MTUS2: variants seen among roughly 807,000 people sequenced by gnomAD.
MTUS2 encodes microtubule-associated tumor suppressor candidate 2.
Under a neutral mutation model 114.1 loss-of-function variants are expected in MTUS2, and 40 were observed. That is an observed-to-expected ratio of 0.35 (90% CI 0.27 to 0.46). The LOEUF is 0.46. Ranked by LOEUF, MTUS2 falls within the 20% of genes least tolerant of loss-of-function variation. The probability of loss-of-function intolerance (pLI) is 1.00; values close to 1 mark genes in which losing one functional copy is unlikely to be tolerated. For missense variants in MTUS2, 1,679 were observed against 1,705.4 expected (o/e 0.98, Z 0.27); for synonymous variants, 688 against 672.0 (o/e 1.02, Z -0.37).
At chr13:29,347,621 C>T (rs926237587) in intron 7 of MTUS2, among the ~76,000 whole-genome samples, 10 of 151,996 alleles carry the variant, frequency 6.6e-5, no homozygotes, top group African/African-American at 2.2e-4. Flanking sequence ...TCTCTGTGGA[C>T]GCCACCTGAG....
intron 2 of MTUS2, among the ~76,000 whole-genome samples, chr13:28,947,200 C>G (rs1882576607): frequency 6.6e-6 from 1 of 152,112 alleles, no homozygotes; most frequent in South Asian, 2.1e-4. Flanking sequence ...TTTTACTGGG[C>G]TTTTATGTTT....
At chr13:28,899,444 C>T (rs1879497969) in intron 2 of MTUS2, among the ~76,000 whole-genome samples, 1 of 152,208 alleles carries the variant, frequency 6.6e-6, no homozygotes, top group East Asian at 1.9e-4. Flanking sequence ...TAGTCTCACT[C>T]TGTCGCCCAG....
chr13:29,100,721 A>G (rs1209865529), intron 4 of MTUS2, 52 bp from the exon 5 acceptor site: 5 of 1,520,134 alleles, frequency 3.3e-6, no homozygotes, highest in East Asian at 2.5e-5. Context: ...AGAATTCATT[A>G]TCTCATTATG....
chr13:29,354,478 C>T (rs543761186), intron 7 of MTUS2, among the ~76,000 whole-genome samples: 12 of 152,164 alleles, frequency 7.9e-5, no homozygotes, highest in South Asian at 2.1e-4. Flanking sequence ...CTGTATGCCA[C>T]GTTTTATCTT....
At chr13:29,263,060 T>A (rs566212412) in intron 5 of MTUS2, among the ~76,000 whole-genome samples, 1 of 152,224 alleles carries the variant, frequency 6.6e-6, no homozygotes, top group Non-Finnish European at 1.5e-5. Flanking sequence ...TAATTTGTTT[T>A]CTTAGAAGAA....
chr13:28,910,522 T>C (rs1475086104), intron 2 of MTUS2, among the ~76,000 whole-genome samples: 3 of 152,120 alleles, frequency 2.0e-5, no homozygotes, highest in Non-Finnish European at 4.4e-5. Context: ...TGTTCTTTCT[T>C]TTCCTGATGC....
At chr13:29,057,075 CA>C (rs1415646264) in intron 4 of MTUS2, among the ~76,000 whole-genome samples, 1 of 152,062 alleles carries the variant, frequency 6.6e-6, no homozygotes, top group Non-Finnish European at 1.5e-5. Context: ...AGAGGTCATT[CA>C]GGGGTAGGTG....
At chr13:29,399,812 G>C (rs544304566) in intron 8 of MTUS2, among the ~76,000 whole-genome samples, 1 of 152,134 alleles carries the variant, frequency 6.6e-6, no homozygotes, top group Non-Finnish European at 1.5e-5. Flanking sequence ...CAAATGGCAA[G>C]TAAATGAAAA....
chr13:29,049,149 C>T (rs1350423761), intron 4 of MTUS2, among the ~76,000 whole-genome samples: 1 of 152,180 alleles, frequency 6.6e-6, no homozygotes, highest in African/African-American at 2.4e-5. Flanking sequence ...GCAGATTTTG[C>T]AACTCTTTGG....
chr13:29,084,791 CT>C (rs66510308), intron 4 of MTUS2, among the ~76,000 whole-genome samples: 35,019 of 132,492 alleles, frequency 0.26, 6,407 homozygotes, highest in African/African-American at 0.39. Context: ...ACCCCCCCCC[CT>C]CACCGTTGGC....
chr13:29,124,643 T>G (rs568675818), intron 5 of MTUS2, among the ~76,000 whole-genome samples: 2 of 152,210 alleles, frequency 1.3e-5, no homozygotes, highest in East Asian at 3.8e-4. Flanking sequence ...ATGTTCCTAG[T>G]TGTATTATTC....
At chr13:29,169,791 A>G (rs1414532240) in intron 5 of MTUS2, among the ~76,000 whole-genome samples, 2 of 152,190 alleles carry the variant, frequency 1.3e-5, no homozygotes, top group African/African-American at 4.8e-5. Flanking sequence ...CTCTTACTGC[A>G]TAAGGGCCGT....
chr13:29,091,487 C>G (rs770432484), intron 4 of MTUS2, among the ~76,000 whole-genome samples: 2 of 106,902 alleles, frequency 1.9e-5, no homozygotes, highest in Non-Finnish European at 4.3e-5. Context: ...ACATTATGGC[C>G]TTTGTTTCTT....
chr13:29,064,047 T>A (rs1041252918), intron 4 of MTUS2, among the ~76,000 whole-genome samples: 13 of 152,192 alleles, frequency 8.5e-5, no homozygotes, highest in Non-Finnish European at 1.9e-4. Context: ...GTTAACCTGC[T>A]CCTAGCGCTG....
chr13:28,990,239 A>G (rs1474352596), intron 2 of MTUS2, among the ~76,000 whole-genome samples: 2 of 152,152 alleles, frequency 1.3e-5, no homozygotes, highest in Non-Finnish European at 2.9e-5. Context: ...ACTCTTTTCT[A>G]TGCAATTAGG....
intron 8 of MTUS2, among the ~76,000 whole-genome samples, chr13:29,425,405 C>CAACAAACA (rs57417008): frequency 6.6e-6 from 1 of 150,870 alleles, no homozygotes; most frequent in African/African-American, 2.4e-5. Context: ...GACTCTGTCT[C>CAACAAACA]AACAAACAAA....
At chr13:29,375,424 GGCAAAAACCGCAATTACTTA>G in intron 8 of MTUS2, among the ~76,000 whole-genome samples, 2 of 116,116 alleles carry the variant, frequency 1.7e-5, no homozygotes, top group African/African-American at 6.4e-5. Context: ...TACTTTTAAT[GGCAAAAACCGCAATTACTTA>G]CTTTTAATGG....
At chr13:29,190,657 G>A (rs1211889011) in intron 5 of MTUS2, among the ~76,000 whole-genome samples, 1 of 147,086 alleles carries the variant, frequency 6.8e-6, no homozygotes, top group African/African-American at 2.6e-5. Context: ...TGACTGAACT[G>A]TGTAGAGAGA....
chr13:29,273,055 G>T (rs1241459683), intron 5 of MTUS2, among the ~76,000 whole-genome samples: 2 of 152,192 alleles, frequency 1.3e-5, no homozygotes, highest in East Asian at 3.8e-4. Context: ...ATTCATGAGG[G>T]AAGAGCCCTC....
Sources: allele counts gnomAD v4.1 joint callset (sites outside exome capture counted in the v4.1 genomes callset), GRCh38; gene constraint gnomAD v4.1.1; transcripts MANE v1.5; gene names NCBI Gene and HGNC (gene_info 2026-07-23, HGNC 2026-07-21).